FER1L6: variants seen among roughly 807,000 people sequenced by gnomAD.
FER1L6 encodes fer-1-like protein 6.
A neutral mutation model predicts 219.2 loss-of-function variants in FER1L6; 177 were observed. That is an observed-to-expected ratio of 0.81 (90% CI 0.71 to 0.91). The LOEUF (loss-of-function observed/expected upper bound fraction) is 0.91. FER1L6 is among the 40% of genes least tolerant of loss of function. FER1L6 has a pLI of 0.00. For missense variants in FER1L6, 2,153 were observed against 2,259.9 expected, an observed-to-expected ratio of 0.95 and a Z score of 0.96; for synonymous variants, 768 against 824.3, an observed-to-expected ratio of 0.93 and a Z score of 1.17.
rs563545251 is a variant in FER1L6, at chr8:123,937,441, A to G, written c.-7-18551A>G. Among the ~76,000 whole-genome samples the G allele has an allele frequency of 2.6e-5, 4 of 152,344 alleles. No individual in the cohort carries two copies. In the East Asian group the frequency reaches 7.7e-4, roughly 29 times the overall value. On this transcript the variant is annotated intron_variant, in intron 1 of 40. Coordinates refer to ENST00000522917, the MANE Select transcript of FER1L6 (RefSeq NM_001039112.2). ...GCTGGACCAATGGGTGAGGTCACAT[A>G]GTACGAGAATGGCCTGATCCCTGAG...
At chr8:124,113,695 T>A (rs1247311241) in intron 39 of FER1L6, among the ~76,000 whole-genome samples, 1 of 152,262 alleles carries the variant, frequency 6.6e-6, no homozygotes, top group Non-Finnish European at 1.5e-5. Context: ...TCATGTTGAC[T>A]ATTTGATGAG....
intron 1 of FER1L6, among the ~76,000 whole-genome samples, chr8:123,869,276 C>G (rs59842769): frequency 0.015 from 2,350 of 152,254 alleles, 53 homozygotes; most frequent in African/African-American, 0.054. Flanking sequence ...CTTGGACACA[C>G]CCATGGCTTC....
At chr8:123,908,945 G>A (rs1170844015) in intron 1 of FER1L6, among the ~76,000 whole-genome samples, 1 of 152,212 alleles carries the variant, frequency 6.6e-6, no homozygotes, top group East Asian at 1.9e-4. Context: ...TCACTATTAT[G>A]AGTGAAGCTA....
intron 1 of FER1L6, among the ~76,000 whole-genome samples, chr8:123,864,047 C>T (rs1362393905): frequency 2.8e-5 from 4 of 145,384 alleles, no homozygotes; most frequent in African/African-American, 5.3e-5. Context: ...TTATTTTGCT[C>T]GTTAGTTGAT....
chr8:124,094,962 A>C lies in FER1L6; in HGVS notation c.4619A>C (p.Glu1540Ala). The C allele has an allele frequency of 6.2e-7, 1 of 1,614,122 alleles. No individual in the cohort carries two copies. Among genetic ancestry groups the C allele is most frequent in the Non-Finnish European group, 8.5e-7 (1 of 1,179,998 alleles). Reference protein sequence around the residue: ...KVLHSWEDIPEVGCRLVPEHI... With the variant: ...KVLHSWEDIPAVGCRLVPEHI... ...TTACACTCTTGGGAGGATATCCCGG[A>C]AGTCGGGTGTAGGCTGGTTCCTGAA... is the stretch of plus-strand genomic sequence containing the variant. Residue 1540 changes from glutamate to alanine, a missense_variant, in exon 35 of 41, where the codon GAA (glutamate) becomes GCA (alanine). By Grantham distance (107) the Glu-to-Ala change is moderately radical. Transcript: ENST00000522917.
chr8:123,896,954 C>G (rs1812754244), intron 1 of FER1L6, among the ~76,000 whole-genome samples: 1 of 152,146 alleles, frequency 6.6e-6, no homozygotes, highest in Admixed American at 6.5e-5. Flanking sequence ...AGGCCCTGAC[C>G]CTGATTCTGT....
intron 12 of FER1L6, among the ~76,000 whole-genome samples, chr8:123,989,538 T>C (rs1469219266): frequency 1.3e-5 from 2 of 152,164 alleles, no homozygotes; most frequent in Non-Finnish European, 2.9e-5. Context: ...GTACCCAGTA[T>C]ATAGTTTTTT....
chr8:124,092,774 G>A (rs1279477166), intron 34 of FER1L6, among the ~76,000 whole-genome samples: 1 of 152,130 alleles, frequency 6.6e-6, no homozygotes, highest in African/African-American at 2.4e-5. Flanking sequence ...TGCAGTCATG[G>A]TGGAAGGCAA....
chr8:124,095,878 A>G (rs1359010490), intron 35 of FER1L6, among the ~76,000 whole-genome samples: 2 of 152,222 alleles, frequency 1.3e-5, no homozygotes, highest in Non-Finnish European at 2.9e-5. Flanking sequence ...TTTGCTCTGA[A>G]TTACTCAGCT....
intron 22 of FER1L6, among the ~76,000 whole-genome samples, chr8:124,056,199 G>T (rs1325595894): frequency 6.6e-6 from 1 of 152,118 alleles, no homozygotes; most frequent in Non-Finnish European, 1.5e-5. Context: ...AACATCTTTG[G>T]GAGTCATTAT....
At chr8:124,077,794 G>A (rs959135713) in intron 32 of FER1L6, among the ~76,000 whole-genome samples, 2 of 152,222 alleles carry the variant, frequency 1.3e-5, no homozygotes, top group Non-Finnish European at 2.9e-5. Flanking sequence ...AGATGTGGAT[G>A]TTTAGTTGGA....
In FER1L6 at chr8:124,111,102, T is replaced by A. The variant is rs527765755; in HGVS notation, c.5290-7742T>A. On this transcript the variant is annotated intron_variant, in intron 39 of 40. Coordinates refer to ENST00000522917, the MANE Select transcript of FER1L6 (RefSeq NM_001039112.2). The surrounding 1 kb of genome is among the most constrained non-coding windows in gnomAD (Gnocchi z 5.0). ...TCCTGGGTGTTAAAGACAAAAGGCC[T>A]GTCAGCTTTCAAAACAATTTATATA... 6.6e-6 allele frequency among the ~76,000 whole-genome samples: 1 copy of A among 152,228 alleles called. No individual in the cohort carries two copies. The highest frequency in any genetic ancestry group is 2.1e-4 in the South Asian group (1 of 4,808).
chr8:123,964,507 G>A (rs1188299655), intron 3 of FER1L6, among the ~76,000 whole-genome samples: 4 of 152,224 alleles, frequency 2.6e-5, no homozygotes, highest in South Asian at 2.1e-4. Context: ...GACATGAAAT[G>A]TGTACACACC....
intron 22 of FER1L6, chr8:124,058,946 C>T (rs1478749295): frequency 1.3e-5 from 2 of 152,242 alleles, no homozygotes. Context: ...AGCTTAACCA[C>T]ATCTGCTGTT....
At chr8:124,107,264 T>A (rs1822821251) in intron 39 of FER1L6, among the ~76,000 whole-genome samples, 1 of 152,214 alleles carries the variant, frequency 6.6e-6, no homozygotes, top group Non-Finnish European at 1.5e-5. Flanking sequence ...TTATAAGGTT[T>A]CCTTCTGTTT....
At chr8:123,939,152 A>C in intron 1 of FER1L6, 1 of 985,296 alleles carries the variant, frequency 1.0e-6, no homozygotes, top group South Asian at 4.7e-5. Context: ...GCATTTCTCA[A>C]ATTGTGACCT....
At position 124,066,542 on chromosome 8, in the gene FER1L6, GC is replaced by G. The variant is rs1586661270; in HGVS notation, c.3673del (p.Gln1225ArgfsTer22). On this transcript the variant is annotated frameshift_variant, in exon 27 of 41. Coordinates refer to ENST00000522917, the MANE Select transcript of FER1L6 (RefSeq NM_001039112.2). LOFTEE classifies it high-confidence loss of function. ...WSKYYASLKK[A>X]QKAKERNPKG... ...TAAGTATTATGCCTCCCTGAAGAAA[GC>G]CCAGAAGGTAGAGTCTCCCCTACCT... 1 of 1,613,780 alleles carries G rather than the reference GC, an allele frequency of 6.2e-7. No homozygotes were observed. Among genetic ancestry groups the G allele is most frequent in the Non-Finnish European group, 8.5e-7 (1 of 1,179,846 alleles).
At chr8:123,906,638 A>G (rs1437315070) in intron 1 of FER1L6, among the ~76,000 whole-genome samples, 1 of 151,846 alleles carries the variant, frequency 6.6e-6, no homozygotes, top group Non-Finnish European at 1.5e-5. Context: ...CATCTCTACT[A>G]AAAATACAAA....
At chr8:124,108,473 C>T (rs1193893925) in intron 39 of FER1L6, among the ~76,000 whole-genome samples, 2 of 152,194 alleles carry the variant, frequency 1.3e-5, no homozygotes, top group Non-Finnish European at 2.9e-5. Context: ...TGACCATTCC[C>T]TGTTCCCATC....
Sources: allele counts gnomAD v4.1 joint callset (sites outside exome capture counted in the v4.1 genomes callset), GRCh38; gene constraint gnomAD v4.1.1; non-coding constraint Gnocchi (gnomAD v3.1); transcripts MANE v1.5; gene names NCBI Gene and HGNC (gene_info 2026-07-23, HGNC 2026-07-21).